NOS1AP: variants seen among roughly 807,000 people sequenced by gnomAD.
The protein encoded by NOS1AP is carboxyl-terminal PDZ ligand of neuronal nitric oxide synthase protein.
NOS1AP carries 21 observed loss-of-function variants against 56.2 expected under a neutral mutation model. The observed-to-expected ratio is 0.37, with a 90% CI of 0.26 to 0.54. NOS1AP has a LOEUF of 0.54. Among genes scored for constraint, NOS1AP ranks in the 20% least tolerant of loss-of-function variants. NOS1AP has a pLI of 0.84. For missense variants in NOS1AP, 522 were observed against 657.8 expected, an observed-to-expected ratio of 0.79 and a Z score of 2.26; for synonymous variants, 270 against 274.6, an observed-to-expected ratio of 0.98 and a Z score of 0.17.
chr1:162,141,139 G>A (rs190243497), intron 1 of NOS1AP, among the ~76,000 whole-genome samples: 4 of 152,144 alleles, frequency 2.6e-5, no homozygotes, highest in South Asian at 4.2e-4. Flanking sequence ...TTTTAAAAAA[G>A]GAATGGAGCT....
intron 8 of NOS1AP, 130 bp from the exon 9 acceptor site, chr1:162,365,274 G>A (rs780526514): frequency 9.8e-5 from 151 of 1,537,144 alleles, no homozygotes; most frequent in Non-Finnish European, 1.3e-4. Context: ...TGCTGCCCGT[G>A]AAGGGCTTCT....
At chr1:162,089,704 A>G (rs1259807034) in intron 1 of NOS1AP, among the ~76,000 whole-genome samples, 2 of 152,196 alleles carry the variant, frequency 1.3e-5, no homozygotes, top group Non-Finnish European at 2.9e-5. Flanking sequence ...CAGAAGAGGA[A>G]AAGACAGTGT....
intron 8 of NOS1AP, among the ~76,000 whole-genome samples, chr1:162,362,260 G>A (rs1252089907): frequency 2.0e-5 from 3 of 152,194 alleles, no homozygotes; most frequent in East Asian, 1.9e-4. Flanking sequence ...AGACCAGCCC[G>A]GCCAACATGG....
At chr1:162,332,882 TGAAG>T in intron 4 of NOS1AP, 131 bp from the exon 5 acceptor site, 1 of 711,886 alleles carries the variant, frequency 1.4e-6, no homozygotes, top group Non-Finnish European at 2.6e-6. Flanking sequence ...TTTTTGATCC[TGAAG>T]GAAGAAGACT....
chr1:162,241,681 A>T (rs986600671), intron 2 of NOS1AP, among the ~76,000 whole-genome samples: 16 of 152,300 alleles, frequency 1.1e-4, no homozygotes, highest in African/African-American at 3.9e-4. Flanking sequence ...TGCAGAGTCC[A>T]GGCTCTTAAT....
In NOS1AP at chr1:162,188,306, G is replaced by T. The variant is rs147149783; in HGVS notation, c.177+33830G>T. ...CTGCTGGAAAGCTACTCAGTATTCT[G>T]TTCCACAAACTTCTGCTTAATGAGA... On this transcript the variant is annotated intron_variant, in intron 2 of 9. Transcript: ENST00000361897. This position sits in a 1 kb window ranked among gnomAD's most constrained non-coding sequence, Gnocchi z 4.0. 8.5e-5 allele frequency among the ~76,000 whole-genome samples: 13 copies of T among 152,306 alleles called. No homozygotes were observed. Among genetic ancestry groups the T allele is most frequent in the Non-Finnish European group, 1.5e-4 (10 of 68,030 alleles).
chr1:162,141,254 T>A (rs1272656341), intron 1 of NOS1AP, among the ~76,000 whole-genome samples: 1 of 152,026 alleles, frequency 6.6e-6, no homozygotes, highest in Non-Finnish European at 1.5e-5. Context: ...TGCTGGGAGG[T>A]TGACCAGATG....
chr1:162,323,968 C>A (rs1449158037), intron 4 of NOS1AP, among the ~76,000 whole-genome samples: 1 of 152,156 alleles, frequency 6.6e-6, no homozygotes, highest in Non-Finnish European at 1.5e-5. Flanking sequence ...CTGCATATAA[C>A]ACTTGAAGGA....
rs576488484 is a variant in NOS1AP at position 162,211,770 on chromosome 1, C to G, written c.177+57294C>G. ...GTCTGATTGTTTACACTTTGCTGAC[C>G]GTATCCTGGTTAAGGAAACTGACAA... On this transcript the variant is annotated intron_variant, in intron 2 of 9. Coordinates refer to ENST00000361897, the MANE Select transcript of NOS1AP (RefSeq NM_014697.3). Among the ~76,000 whole-genome samples, 36 of 152,148 alleles carry G rather than the reference C, an allele frequency of 2.4e-4. No homozygotes were observed. The South Asian group carries it at 6.8e-3, about 29-fold the overall frequency.
At chr1:162,095,726 A>G (rs1029439005) in intron 1 of NOS1AP, among the ~76,000 whole-genome samples, 21 of 152,208 alleles carry the variant, frequency 1.4e-4, no homozygotes, top group African/African-American at 5.1e-4. Flanking sequence ...CTGGAGACCT[A>G]CGTTTTAGTA....
Position 162,121,659 on chromosome 1 carries a change from A to G in NOS1AP, c.106-32746A>G, listed in dbSNP as rs954363175. 5.3e-5 allele frequency among the ~76,000 whole-genome samples: 8 copies of G among 152,198 alleles called. No homozygotes were observed. In the East Asian group the frequency reaches 1.3e-3, roughly 26 times the overall value. ...GTAAGTGCTTAGCACCATGTCTGCC[A>G]TATATGAAGTGCTCAGTAAATGTTA... On this transcript the variant is annotated intron_variant, in intron 1 of 9. Transcript: ENST00000361897.
intron 1 of NOS1AP, among the ~76,000 whole-genome samples, chr1:162,075,712 G>A (rs189671626): frequency 7.2e-5 from 11 of 152,202 alleles, no homozygotes; most frequent in East Asian, 3.9e-4. Flanking sequence ...AGGAGGAGAC[G>A]TAGTTCACTT....
At chr1:162,097,926 G>A (rs1360387681) in intron 1 of NOS1AP, among the ~76,000 whole-genome samples, 3 of 151,540 alleles carry the variant, frequency 2.0e-5, no homozygotes, top group Non-Finnish European at 2.9e-5. Context: ...GTCTTTTTGG[G>A]TTGAGATTTT....
intron 2 of NOS1AP, among the ~76,000 whole-genome samples, chr1:162,267,596 CAAAAAA>C (rs71829190): frequency 0.36 from 35,660 of 100,062 alleles, 4,508 homozygotes; most frequent in East Asian, 0.47. Context: ...CCTGTCTCTA[CAAAAAA>C]AAAAAAAAAA....
rs367880548 is a variant in NOS1AP at position 162,141,871 on chromosome 1, T to C, written c.106-12534T>C. Reference sequence around the variant, plus strand: ...CTGTTGGGTGGATCACCATAGGAAGTTGGGTAATATGATGGAGTCTTTATA... The same window carrying C: ...CTGTTGGGTGGATCACCATAGGAAGCTGGGTAATATGATGGAGTCTTTATA... On this transcript the variant is annotated intron_variant, in intron 1 of 9. Coordinates refer to ENST00000361897, the MANE Select transcript of NOS1AP (RefSeq NM_014697.3). Among the ~76,000 whole-genome samples, 65 of 152,288 alleles carry C rather than the reference T, an allele frequency of 4.3e-4. 2 individuals are homozygous for C. Among genetic ancestry groups the C allele is most frequent in the African/African-American group, 1.4e-3 (59 of 41,568 alleles).
chr1:162,219,192 C>A (rs1652683300), intron 2 of NOS1AP, among the ~76,000 whole-genome samples: 1 of 152,170 alleles, frequency 6.6e-6, no homozygotes, highest in Non-Finnish European at 1.5e-5. Context: ...AATAAGTACA[C>A]CCACTTCATT....
chr1:162,192,186 C>G (rs184499261), intron 2 of NOS1AP, among the ~76,000 whole-genome samples: 428 of 152,276 alleles, frequency 2.8e-3, no homozygotes, highest in Non-Finnish European at 4.7e-3. Flanking sequence ...GCCCAGCAAT[C>G]TGTGTTTGAC....
intron 2 of NOS1AP, among the ~76,000 whole-genome samples, chr1:162,265,132 A>G (rs1357806567): frequency 6.6e-6 from 1 of 151,780 alleles, no homozygotes; most frequent in Non-Finnish European, 1.5e-5. Flanking sequence ...CCTACTTTCT[A>G]TCTATATTTT....
intron 2 of NOS1AP, among the ~76,000 whole-genome samples, chr1:162,203,661 G>A (rs995238842): frequency 2.0e-5 from 3 of 152,160 alleles, no homozygotes; most frequent in African/African-American, 7.2e-5. Flanking sequence ...ATTACTTAAA[G>A]GGGCTAATCC....
Sources: gnomAD v4.1 joint callset for allele counts (sites outside exome capture counted in the v4.1 genomes callset) on GRCh38, gnomAD v4.1.1 for gene constraint, Gnocchi (gnomAD v3.1) non-coding constraint, MANE v1.5 for transcripts, NCBI Gene and HGNC (gene_info 2026-07-23, HGNC 2026-07-21) for gene names.